CACNA1E: variants seen among roughly 807,000 people sequenced by gnomAD.
CACNA1E encodes the protein calcium voltage-gated channel subunit alpha1 E.
CACNA1E carries 40 observed loss-of-function variants against 259.2 expected under a neutral mutation model. The ratio of observed to expected loss-of-function variants is 0.15; its 90% CI spans 0.12 to 0.20. CACNA1E has a LOEUF of 0.20. Ranked by LOEUF, CACNA1E falls within the 10% of genes least tolerant of loss-of-function variation. The pLI, the probability that CACNA1E is intolerant of heterozygous loss-of-function variation, is 1.00. For synonymous variants in CACNA1E, 1,104 were observed against 1,138.5 expected (o/e 0.97, Z 0.61); for missense variants, 1,874 against 3,040.1 (o/e 0.62, Z 9.02).
intron 2 of CACNA1E, among the ~76,000 whole-genome samples, chr1:181,422,482 C>T (rs1216695802): frequency 6.6e-6 from 1 of 152,172 alleles, no homozygotes; most frequent in Non-Finnish European, 1.5e-5. Flanking sequence ...GGGTCAGCCC[C>T]TGGGGTGTGG....
intron 2 of CACNA1E, among the ~76,000 whole-genome samples, chr1:181,415,163 T>G (rs1658171647): frequency 6.6e-6 from 1 of 152,246 alleles, no homozygotes; most frequent in South Asian, 2.1e-4. Flanking sequence ...ACTTGAGGGC[T>G]GAGACTGTCA....
intron 33 of CACNA1E, among the ~76,000 whole-genome samples, chr1:181,763,054 T>C (rs1231959200): frequency 6.6e-6 from 1 of 152,160 alleles, no homozygotes; most frequent in African/African-American, 2.4e-5. Flanking sequence ...AGGGTAACTC[T>C]CTTTGAATAT....
Position 181,798,426 on chromosome 1 carries a change from C to T in CACNA1E, c.6534C>T (p.His2178=), listed in dbSNP as rs778605231. Residue 2178 remains histidine (H), a synonymous_variant, in exon 48 of 48, where the codon CAC becomes CAT. Transcript: ENST00000367573. The surrounding 1 kb of genome is among the most constrained non-coding windows in gnomAD (Gnocchi z 4.2). ...TTTCCTACAGCTCCCTGATTCGACA[C>T]GCGGGCAGCATCTCTCCACCTGCTG... ...PLLSYSSLIR[H]AGSISPPADG... 1.8e-5 allele frequency: 29 copies of T among 1,613,644 alleles called. No homozygotes were observed. The highest frequency in any genetic ancestry group is 2.2e-5 in the East Asian group (1 of 44,888).
intron 1 of CACNA1E, among the ~76,000 whole-genome samples, chr1:181,371,187 AGTTC>A (rs1654687004): frequency 2.0e-5 from 3 of 152,292 alleles, no homozygotes; most frequent in Admixed American, 1.3e-4. Context: ...CTGAATGCAT[AGTTC>A]ATGAATATTT....
intron 7 of CACNA1E, among the ~76,000 whole-genome samples, chr1:181,653,564 C>G (rs1658943655): frequency 6.6e-6 from 1 of 152,192 alleles, no homozygotes; most frequent in Non-Finnish European, 1.5e-5. Flanking sequence ...TACAGCTGTG[C>G]TCCCTCCAAG....
intron 32 of CACNA1E, among the ~76,000 whole-genome samples, chr1:181,760,429 A>G (rs1658482298): frequency 6.6e-6 from 1 of 152,230 alleles, no homozygotes; most frequent in Admixed American, 6.5e-5. Flanking sequence ...GGCAGATGTC[A>G]CTATCATAAT....
In CACNA1E at chr1:181,732,446, A is replaced by T; in HGVS notation, c.2360A>T (p.Lys787Met). The T allele has an allele frequency of 6.5e-7, 1 of 1,549,754 alleles. No individual in the cohort carries two copies. The highest frequency in any genetic ancestry group is 8.7e-7 in the Non-Finnish European group (1 of 1,146,160). Residue 787 changes from lysine (K) to methionine (M), a missense_variant, in exon 20 of 48, where the codon AAG (lysine) becomes ATG (methionine). Around this residue, in one of 14 missense-constraint regions of CACNA1E, gnomAD observed 476 missense variants for 514.0 expected, o/e 0.93. Coordinates refer to ENST00000367573, the MANE Select transcript of CACNA1E (RefSeq NM_001205293.3). The surrounding 1 kb of genome is among the most constrained non-coding windows in gnomAD (Gnocchi z 5.5). Reference protein sequence around the residue: ...VWEQRTSQLRKHMQMSSQEAL... With the variant: ...VWEQRTSQLRMHMQMSSQEAL... ...GAGCAGCGTACCAGCCAGCTGAGGA[A>T]GCACATGCAGATGTCCAGCCAGGAG...
chr1:181,749,425 A>C (rs1657393702), intron 25 of CACNA1E, among the ~76,000 whole-genome samples: 1 of 152,216 alleles, frequency 6.6e-6, no homozygotes, highest in South Asian at 2.1e-4. Flanking sequence ...CAGCTCAGAA[A>C]TTCACTGTGC....
At chr1:181,511,596 GA>G (rs1666170393) in intron 3 of CACNA1E, 86 bp downstream of exon 3, 2 of 1,462,992 alleles carry the variant, frequency 1.4e-6, no homozygotes, top group Admixed American at 1.7e-5. Context: ...ACCTGGGGTG[GA>G]AAGACAGCAA....
chr1:181,691,881 T>A (rs899252699), intron 7 of CACNA1E, among the ~76,000 whole-genome samples: 1 of 152,086 alleles, frequency 6.6e-6, no homozygotes. Context: ...AAACTATCTC[T>A]CTTTGCTAAC....
At chr1:181,502,708 T>A (rs992130707) in intron 1 of CACNA1E, among the ~76,000 whole-genome samples, 4 of 152,148 alleles carry the variant, frequency 2.6e-5, no homozygotes, top group Non-Finnish European at 4.4e-5. Flanking sequence ...TTGTTTTGTT[T>A]TGTTTTTTGA....
At chr1:181,484,585 G>A (rs1191182117) in intron 1 of CACNA1E, among the ~76,000 whole-genome samples, 1 of 152,222 alleles carries the variant, frequency 6.6e-6, no homozygotes, top group Non-Finnish European at 1.5e-5. Context: ...AGGGACTTAA[G>A]TTTAAGTTCC....
intron 2 of CACNA1E, among the ~76,000 whole-genome samples, chr1:181,471,286 C>T (rs1226608908): frequency 6.6e-6 from 1 of 152,184 alleles, no homozygotes; most frequent in African/African-American, 2.4e-5. Flanking sequence ...ACATTCAAAC[C>T]ATAGCAAAGG....
intron 3 of CACNA1E, among the ~76,000 whole-genome samples, chr1:181,552,060 T>A (rs1648225353): frequency 6.6e-6 from 1 of 152,224 alleles, no homozygotes; most frequent in Non-Finnish European, 1.5e-5. Context: ...CTTCTGACAT[T>A]ATTTCAAGAC....
At chr1:181,643,679 T>G (rs956476782) in intron 6 of CACNA1E, among the ~76,000 whole-genome samples, 1 of 152,134 alleles carries the variant, frequency 6.6e-6, no homozygotes, top group African/African-American at 2.4e-5. Flanking sequence ...GCTCCTCCTC[T>G]TTGCCAAACA....
intron 7 of CACNA1E, among the ~76,000 whole-genome samples, chr1:181,691,462 G>T (rs1006588617): frequency 6.6e-6 from 1 of 152,032 alleles, no homozygotes; most frequent in Non-Finnish European, 1.5e-5. Flanking sequence ...ACAGAAATCA[G>T]ATAATTAAGG....
intron 25 of CACNA1E, among the ~76,000 whole-genome samples, chr1:181,742,562 T>A (rs753173857): frequency 6.6e-6 from 1 of 152,172 alleles, no homozygotes; most frequent in African/African-American, 2.4e-5. Context: ...GTGGTTGCCA[T>A]GGTAGCATCT....
intron 35 of CACNA1E, among the ~76,000 whole-genome samples, chr1:181,770,791 C>T (rs1005852060): frequency 2.0e-5 from 3 of 152,174 alleles, no homozygotes; most frequent in Non-Finnish European, 4.4e-5. Flanking sequence ...AGAGATGCCA[C>T]TCTCTAACCT....
chr1:181,603,561 G>A (rs143405130), intron 6 of CACNA1E, among the ~76,000 whole-genome samples: 100 of 121,464 alleles, frequency 8.2e-4, no homozygotes, highest in Middle Eastern at 3.8e-3. Context: ...CCCCTCCCCC[G>A]CCCCCGCCAA....
Sources: gnomAD v4.1 joint callset for allele counts (sites outside exome capture counted in the v4.1 genomes callset) on GRCh38, gnomAD v4.1.1 for gene constraint, gnomAD v4.1.1 regional missense constraint, Gnocchi (gnomAD v3.1) non-coding constraint, MANE v1.5 for transcripts, NCBI Gene and HGNC (gene_info 2026-07-23, HGNC 2026-07-21) for gene names.